The following PDE7B variants were observed in gnomAD, a reference collection of about 807,000 sequenced individuals.
PDE7B encodes the protein phosphodiesterase 7B.
In PDE7B, 29 loss-of-function variants were observed where a neutral mutation model predicts 56.2. That is an observed-to-expected ratio of 0.52 (90% CI 0.38 to 0.70). PDE7B has a LOEUF of 0.70. PDE7B is among the 30% of genes least tolerant of loss of function. The pLI is 0.00. For synonymous variants in PDE7B, 197 were observed against 196.9 expected (o/e 1.00, Z 0.00); for missense variants, 490 against 565.0 (o/e 0.87, Z 1.35).
chr6:136,066,038 T>TTTTG (rs201387093), intron 2 of PDE7B, among the ~76,000 whole-genome samples: 1 of 127,218 alleles, frequency 7.9e-6, no homozygotes. Flanking sequence ...TAAAGGCTTT[T>TTTTG]TTTGTTTGTT....
At chr6:135,933,254 CAT>C (rs1297414845) in intron 1 of PDE7B, among the ~76,000 whole-genome samples, 3 of 152,192 alleles carry the variant, frequency 2.0e-5, no homozygotes, top group Non-Finnish European at 2.9e-5. Context: ...TGCATGTATA[CAT>C]ATATATGTGT....
At chr6:136,127,424 G>A (rs551639464) in intron 3 of PDE7B, among the ~76,000 whole-genome samples, 55 of 152,158 alleles carry the variant, frequency 3.6e-4, no homozygotes, top group African/African-American at 1.2e-3. Context: ...GTCCCTTTGG[G>A]CTTTTTATTT....
At chr6:136,070,415 C>T (rs1423145117) in intron 2 of PDE7B, 2 of 152,074 alleles carry the variant, frequency 1.3e-5, no homozygotes, top group Non-Finnish European at 2.9e-5. Flanking sequence ...AAATACCCAT[C>T]CAATTTGCTT....
intron 2 of PDE7B, among the ~76,000 whole-genome samples, chr6:136,049,851 T>C (rs1028561396): frequency 2.0e-5 from 3 of 152,206 alleles, no homozygotes; most frequent in Non-Finnish European, 4.4e-5. Context: ...TGTAGAACCA[T>C]TGAAAATCTT....
At chr6:136,185,754 G>C (rs1238327601) in intron 11 of PDE7B, among the ~76,000 whole-genome samples, 1 of 152,096 alleles carries the variant, frequency 6.6e-6, no homozygotes, top group Admixed American at 6.5e-5. Context: ...GACAGAGTAA[G>C]AGCCTGCCTC....
chr6:136,031,983 T>G (rs1369535296), intron 2 of PDE7B, among the ~76,000 whole-genome samples: 1 of 152,200 alleles, frequency 6.6e-6, no homozygotes, highest in Non-Finnish European at 1.5e-5. Context: ...CGTTCAAAAT[T>G]TATGCATCTC....
chr6:135,890,399 G>C (rs912332198), intron 1 of PDE7B, among the ~76,000 whole-genome samples: 3 of 152,152 alleles, frequency 2.0e-5, no homozygotes, highest in Admixed American at 2.0e-4. Context: ...CAAAGTTGCG[G>C]ACCAGAGTGC....
chr6:136,017,336 C>A (rs909061064), intron 2 of PDE7B, among the ~76,000 whole-genome samples: 1 of 152,024 alleles, frequency 6.6e-6, no homozygotes, highest in East Asian at 1.9e-4. Context: ...TTCAGCAAAC[C>A]TGAAAACTTT....
At position 136,191,619 on chromosome 6, in the gene PDE7B, A is replaced by G. The variant is rs759027464; in HGVS notation, c.1132A>G (p.Met378Val). The change falls in exon 13 of 13, where the codon ATG (methionine) becomes GTG (valine). Residue 378 changes from methionine (M) to valine (V), a missense_variant. Coordinates refer to ENST00000308191, the MANE Select transcript of PDE7B (RefSeq NM_018945.4). ...CCTTGACTTGCCTGTTCTAGGTTTC[A>G]TGAGCTACATCGTGGAGCCGCTCTT... ...DSIPSIQIGF[M>V]SYIVEPLFRE... The G allele has an allele frequency of 6.2e-7, 1 of 1,613,818 alleles. No individual in the cohort carries two copies. Among genetic ancestry groups the G allele is most frequent in the Non-Finnish European group, 8.5e-7 (1 of 1,179,748 alleles).
intron 2 of PDE7B, among the ~76,000 whole-genome samples, chr6:136,107,672 A>C (rs1777668475): frequency 6.6e-6 from 1 of 152,180 alleles, no homozygotes; most frequent in Non-Finnish European, 1.5e-5. Flanking sequence ...GGCTCAGAGA[A>C]ATAAATCTGC....
chr6:135,958,103 G>A (rs1248769120), intron 2 of PDE7B, among the ~76,000 whole-genome samples: 5 of 152,036 alleles, frequency 3.3e-5, no homozygotes, highest in African/African-American at 7.2e-5. Context: ...GTGGTGGCAC[G>A]TGCCTGTAAT....
At chr6:136,186,459 T>C (rs1322811939) in intron 11 of PDE7B, among the ~76,000 whole-genome samples, 1 of 152,040 alleles carries the variant, frequency 6.6e-6, no homozygotes, top group Non-Finnish European at 1.5e-5. Flanking sequence ...ATTCTGACCT[T>C]TATACTTTTT....
chr6:136,174,013 A>C, intron 9 of PDE7B, 125 bp downstream of exon 9: 1 of 687,740 alleles, frequency 1.5e-6, no homozygotes, highest in Non-Finnish European at 2.6e-6. Flanking sequence ...TCCTGCCTGC[A>C]CTGAGCTGTC....
intron 2 of PDE7B, among the ~76,000 whole-genome samples, chr6:135,976,902 C>A (rs1366200252): frequency 6.6e-6 from 1 of 152,150 alleles, no homozygotes; most frequent in African/African-American, 2.4e-5. Context: ...GAGGTCCCCA[C>A]ATCCAGGCAG....
chr6:135,857,304 T>C (rs977876780), intron 1 of PDE7B, among the ~76,000 whole-genome samples: 2 of 152,132 alleles, frequency 1.3e-5, no homozygotes, highest in African/African-American at 4.8e-5. Context: ...TTCTACATAG[T>C]CATAATTCAC....
rs1470199203 is a variant in PDE7B, at chr6:136,191,770, G to A, written c.1283G>A (p.Gly428Asp). 2 of 1,588,070 alleles carry A rather than the reference G, an allele frequency of 1.3e-6. No homozygotes were observed. Among genetic ancestry groups the A allele is most frequent in the South Asian group, 1.1e-5 (1 of 88,008 alleles). Reference protein sequence around the residue: ...PRQHRSRGSSGSGPDHDHAGQ... With the variant: ...PRQHRSRGSSDSGPDHDHAGQ... The stretch of plus-strand genomic sequence containing the variant: ...CAGCACAGAAGCAGGGGCAGCAGTG[G>A]CAGCGGGCCTGACCACGACCACGCA... Residue 428 changes from glycine (G) to aspartate (D), a missense_variant, in exon 13 of 13, where the codon GGC becomes GAC. Physicochemically the swap from Gly to Asp is moderately conservative, Grantham distance 94 (BLOSUM62 -1). Transcript: ENST00000308191.
At chr6:136,109,445 G>A (rs1013576243) in intron 3 of PDE7B, among the ~76,000 whole-genome samples, 1 of 152,186 alleles carries the variant, frequency 6.6e-6, no homozygotes, top group African/African-American at 2.4e-5. Flanking sequence ...GACTAGGTGA[G>A]ATTCCATTTT....
At chr6:136,119,825 C>T (rs909240019) in intron 3 of PDE7B, among the ~76,000 whole-genome samples, 3 of 152,160 alleles carry the variant, frequency 2.0e-5, no homozygotes, top group African/African-American at 7.2e-5. Context: ...ATAAGGCTTC[C>T]TTATATAAGC....
chr6:135,854,702 T>C (rs1268534004), intron 1 of PDE7B, among the ~76,000 whole-genome samples: 1 of 152,188 alleles, frequency 6.6e-6, no homozygotes, highest in Non-Finnish European at 1.5e-5. Context: ...TCAGCACCAC[T>C]GGCTTCTAAA....
Sources: gnomAD v4.1 joint callset for allele counts (sites outside exome capture counted in the v4.1 genomes callset) on GRCh38, gnomAD v4.1.1 for gene constraint, MANE v1.5 for transcripts, NCBI Gene and HGNC (gene_info 2026-07-23, HGNC 2026-07-21) for gene names.